Variants in C12orf42 observed in about 807,000 individuals in gnomAD.
C12orf42 encodes chromosome 12 open reading frame 42.
Under a neutral mutation model 21.6 loss-of-function variants are expected in C12orf42, and 25 were observed. That is an observed-to-expected ratio of 1.16 (90% CI 0.84 to 1.62). The LOEUF (loss-of-function observed/expected upper bound fraction) is 1.62. Ranked by LOEUF, C12orf42 falls within the 40% of genes most tolerant of loss-of-function variation. C12orf42 has a pLI of 0.00. For synonymous variants in C12orf42, 174 were observed against 175.0 expected (o/e 0.99, Z 0.05); for missense variants, 483 against 459.3 (o/e 1.05, Z -0.47).
At chr12:103,516,663 A>T in the C12orf42 span, among the ~76,000 whole-genome samples, 1 of 152,204 alleles carries the variant, frequency 6.6e-6, no homozygotes, top group African/African-American at 2.4e-5. Flanking sequence ...CAGAGGAAAC[A>T]GCCCCAATGA....
chr12:103,250,828 T>C (rs1027235865), intron 10 of C12orf42, among the ~76,000 whole-genome samples: 1 of 152,054 alleles, frequency 6.6e-6, no homozygotes, highest in Non-Finnish European at 1.5e-5. Flanking sequence ...TTCCCTTGAG[T>C]GTAAGTGTGT....
the C12orf42 span, among the ~76,000 whole-genome samples, chr12:103,167,663 G>A: frequency 3.6e-3 from 551 of 152,102 alleles, 3 homozygotes; most frequent in South Asian, 7.9e-3. Flanking sequence ...CCAATGAAAG[G>A]GATTTTGACA....
intron 2 of C12orf42, among the ~76,000 whole-genome samples, chr12:103,426,138 G>A (rs1243611497): frequency 1.3e-5 from 2 of 152,216 alleles, no homozygotes; most frequent in African/African-American, 2.4e-5. Context: ...GTAGGCTTCA[G>A]AAGGTGGGTA....
the C12orf42 span, among the ~76,000 whole-genome samples, chr12:103,092,117 T>C: frequency 1.3e-5 from 2 of 152,238 alleles, no homozygotes; most frequent in Non-Finnish European, 2.9e-5. Context: ...GTAAAATTTC[T>C]TGGGGATACC....
At chr12:103,379,889 G>A (rs968436775) in intron 3 of C12orf42, among the ~76,000 whole-genome samples, 1 of 152,186 alleles carries the variant, frequency 6.6e-6, no homozygotes, top group African/African-American at 2.4e-5. Context: ...GGGTAGCATT[G>A]TTCGAGCACC....
chr12:103,438,340 C>T (rs1393421632), intron 2 of C12orf42, among the ~76,000 whole-genome samples: 1 of 152,154 alleles, frequency 6.6e-6, no homozygotes, highest in Non-Finnish European at 1.5e-5. Context: ...CCTTTGAAAA[C>T]TGGCACAAAA....
the C12orf42 span, among the ~76,000 whole-genome samples, chr12:103,538,715 T>C: frequency 6.6e-6 from 1 of 152,244 alleles, no homozygotes; most frequent in South Asian, 2.1e-4. Flanking sequence ...TAATGGCTTT[T>C]CTGGCCTTTG....
chr12:103,229,525 A>G, the C12orf42 span, among the ~76,000 whole-genome samples: 1 of 152,230 alleles, frequency 6.6e-6, no homozygotes, highest in Non-Finnish European at 1.5e-5. Flanking sequence ...ACTTGGGTAT[A>G]CATTAGTCTA....
chr12:103,421,655 T>C (rs2049923235), intron 2 of C12orf42, among the ~76,000 whole-genome samples: 1 of 151,752 alleles, frequency 6.6e-6, no homozygotes, highest in African/African-American at 2.4e-5. Flanking sequence ...ATGAACTAAA[T>C]AAAACTCAAA....
chr12:103,476,672 T>C (rs1954076961), intron 2 of C12orf42, among the ~76,000 whole-genome samples: 1 of 152,198 alleles, frequency 6.6e-6, no homozygotes, highest in Admixed American at 6.5e-5. Flanking sequence ...AATGTGTACT[T>C]TATGACCTCA....
chr12:103,228,147 G>T, the C12orf42 span, among the ~76,000 whole-genome samples: 1 of 152,180 alleles, frequency 6.6e-6, no homozygotes, highest in Non-Finnish European at 1.5e-5. Context: ...CAGGCTTTGT[G>T]TGAGCAACAT....
At chr12:103,431,471 C>T (rs1950260744) in intron 2 of C12orf42, among the ~76,000 whole-genome samples, 1 of 152,184 alleles carries the variant, frequency 6.6e-6, no homozygotes, top group South Asian at 2.1e-4. Context: ...ACTCTGGGTT[C>T]AAATCCTGCA....
At chr12:103,463,744 C>T (rs1198795823) in intron 2 of C12orf42, among the ~76,000 whole-genome samples, 2 of 152,056 alleles carry the variant, frequency 1.3e-5, no homozygotes, top group Non-Finnish European at 1.5e-5. Context: ...CCTTCTCCTG[C>T]CCCCAGCCCC....
the C12orf42 span, among the ~76,000 whole-genome samples, chr12:103,120,286 G>A: frequency 0.012 from 1,834 of 152,276 alleles, 42 homozygotes; most frequent in African/African-American, 0.042. Context: ...TGAGGACTGG[G>A]AGAGATAATT....
At chr12:103,135,211 G>T in the C12orf42 span, among the ~76,000 whole-genome samples, 1 of 152,074 alleles carries the variant, frequency 6.6e-6, no homozygotes, top group Non-Finnish European at 1.5e-5. Context: ...TCCCAGCACT[G>T]TTGAAGATAG....
downstream of C12orf42, among the ~76,000 whole-genome samples, chr12:103,301,347 A>T (rs1164349823): frequency 6.6e-6 from 1 of 152,194 alleles, no homozygotes; most frequent in African/African-American, 2.4e-5. Context: ...AAAAAACCCT[A>T]CTATATTAAA....
the C12orf42 span, among the ~76,000 whole-genome samples, chr12:103,223,580 G>A: frequency 6.6e-6 from 1 of 152,234 alleles, no homozygotes; most frequent in Non-Finnish European, 1.5e-5. Context: ...GATATCAGCT[G>A]TGGTGGCTTG....
At chr12:103,133,498 C>T in the C12orf42 span, among the ~76,000 whole-genome samples, 1 of 152,188 alleles carries the variant, frequency 6.6e-6, no homozygotes, top group Non-Finnish European at 1.5e-5. Flanking sequence ...GGCCCAAGGA[C>T]TCACCTGGCA....
chr12:103,474,454 A>ATGTATGTATGTGTGTGTGTG (rs1555212293), intron 2 of C12orf42, among the ~76,000 whole-genome samples: 1 of 149,282 alleles, frequency 6.7e-6, no homozygotes, highest in African/African-American at 2.5e-5. Flanking sequence ...GTATGTATGT[A>ATGTATGTATGTGTGTGTGTG]TGTGTGTGTG....
Sources: gnomAD v4.1 joint callset for allele counts (sites outside exome capture counted in the v4.1 genomes callset) on GRCh38, gnomAD v4.1.1 for gene constraint, MANE v1.5 for transcripts, NCBI Gene and HGNC (gene_info 2026-07-23, HGNC 2026-07-21) for gene names.